The following COG2 variants were observed in gnomAD, a reference collection of about 807,000 sequenced individuals.
The protein encoded by COG2 is component of oligomeric golgi complex 2.
In COG2, 52 loss-of-function variants were observed where a neutral mutation model predicts 90.6. The ratio of observed to expected loss-of-function variants is 0.57; its 90% CI spans 0.46 to 0.72. COG2 has a LOEUF of 0.72. Ranked by LOEUF, COG2 falls within the 30% of genes least tolerant of loss-of-function variation. COG2 has a pLI of 0.00. For synonymous variants in COG2, 337 were observed against 320.4 expected, an observed-to-expected ratio of 1.05 and a Z score of -0.55; for missense variants, 829 against 891.2, an observed-to-expected ratio of 0.93 and a Z score of 0.89.
At chr1:230,666,985 T>C (rs766572278) in intron 5 of COG2, among the ~76,000 whole-genome samples, 1 of 152,208 alleles carries the variant, frequency 6.6e-6, no homozygotes, top group Non-Finnish European at 1.5e-5. Flanking sequence ...TCCATAAAGC[T>C]CAATTACAAG....
chr1:230,686,544 T>C (rs1372011388), intron 12 of COG2, among the ~76,000 whole-genome samples: 1 of 152,254 alleles, frequency 6.6e-6, no homozygotes, highest in East Asian at 1.9e-4. Flanking sequence ...GTTTGGATTT[T>C]GATATTTTAC....
At chr1:230,680,125 A>G (rs531258562) in intron 10 of COG2, 3 of 152,338 alleles carry the variant, frequency 2.0e-5, no homozygotes, top group African/African-American at 7.2e-5. Context: ...AATGGGATGC[A>G]CTGGAAATAG....
At chr1:230,673,779 A>C (rs1395538332) in intron 8 of COG2, among the ~76,000 whole-genome samples, 1 of 152,126 alleles carries the variant, frequency 6.6e-6, no homozygotes, top group Admixed American at 6.6e-5. Context: ...GTAATTTCCT[A>C]ACAATACTTA....
rs774526575 is a variant in COG2 at position 230,691,458 on chromosome 1, C to T, written c.2009C>T (p.Ala670Val). 1 of 1,614,060 alleles carries T rather than the reference C, an allele frequency of 6.2e-7. No individual in the cohort carries two copies. Among genetic ancestry groups the T allele is most frequent in the South Asian group, 1.1e-5 (1 of 91,076 alleles). The change falls in exon 17 of 18, where the codon GCC (alanine) becomes GTC (valine). Residue 670 changes from alanine to valine, a missense_variant. Coordinates refer to ENST00000366669, the MANE Select transcript of COG2 (RefSeq NM_007357.3). ...MEESLKRLKQARKTTPANPVG... is the reference protein window; with the variant it reads ...MEESLKRLKQVRKTTPANPVG... ...GAGAGCCTGAAAAGGCTGAAACAAG[C>T]CAGAAAAACCACTCCCGCCAACCCC...
At chr1:230,648,406 C>G (rs186731527) in intron 1 of COG2, among the ~76,000 whole-genome samples, 117 of 152,316 alleles carry the variant, frequency 7.7e-4, no homozygotes, top group Non-Finnish European at 1.2e-3. Flanking sequence ...CTTGAATTCT[C>G]TTTAGCTTCA....
At chr1:230,660,449 T>G (rs895522496) in intron 2 of COG2, among the ~76,000 whole-genome samples, 2 of 152,210 alleles carry the variant, frequency 1.3e-5, no homozygotes, top group African/African-American at 4.8e-5. Context: ...GCTCTTTATC[T>G]CCAGTTAAAA....
chr1:230,679,153 C>T, intron 10 of COG2, 101 bp downstream of exon 10: 2 of 1,154,336 alleles, frequency 1.7e-6, no homozygotes, highest in South Asian at 1.8e-5. Context: ...TTTCTCTGAT[C>T]ATCATAATAA....
intron 8 of COG2, among the ~76,000 whole-genome samples, chr1:230,673,952 A>G (rs970797599): frequency 6.6e-6 from 1 of 152,222 alleles, no homozygotes; most frequent in Admixed American, 6.5e-5. Flanking sequence ...CCGTTTTGAC[A>G]TGGCAACTTA....
chr1:230,655,425 G>A (rs1322052452), intron 1 of COG2, among the ~76,000 whole-genome samples: 2 of 152,214 alleles, frequency 1.3e-5, no homozygotes, highest in Admixed American at 1.3e-4. Context: ...TGTTGAACCA[G>A]CCTTGCGTTG....
intron 16 of COG2, 171 bp downstream of exon 16, chr1:230,690,324 C>T (rs1662995000): frequency 1.8e-6 from 1 of 561,504 alleles, no homozygotes; most frequent in African/African-American, 2.0e-5. Flanking sequence ...TCCCCACACC[C>T]TTGTGGACGG....
intron 1 of COG2, among the ~76,000 whole-genome samples, chr1:230,658,298 A>G (rs186348762): frequency 2.0e-4 from 31 of 152,274 alleles, no homozygotes; most frequent in Non-Finnish European, 4.1e-4. Flanking sequence ...TCTTTCTGAC[A>G]GTCAGGCCCC....
intron 10 of COG2, 170 bp downstream of exon 10, chr1:230,679,222 A>G (rs2102766236): frequency 3.4e-6 from 2 of 592,458 alleles, no homozygotes; most frequent in East Asian, 3.0e-5. Flanking sequence ...ATGGTTGCCA[A>G]AGTCTGGCTT....
chr1:230,659,368 CG>C, intron 1 of COG2, 95 bp from the exon 2 acceptor site: 4 of 988,298 alleles, frequency 4.0e-6, no homozygotes, highest in Non-Finnish European at 3.2e-6. Flanking sequence ...TTGTAAATGA[CG>C]GGAATGGGCT....
chr1:230,691,619 C>T (rs543455106), intron 17 of COG2, 55 bp downstream of exon 17: 7 of 1,527,282 alleles, frequency 4.6e-6, no homozygotes, highest in African/African-American at 2.8e-5. Flanking sequence ...TTCTGAGAGC[C>T]GGGCAGTTAC....
chr1:230,642,797 G>T, intron 1 of COG2, 119 bp downstream of exon 1: 1 of 928,558 alleles, frequency 1.1e-6, no homozygotes, highest in Non-Finnish European at 1.6e-6. Context: ...CAGGTCCTCC[G>T]CCGAGACCTC....
chr1:230,670,538 T>C (rs893932925), intron 7 of COG2: 11 of 152,232 alleles, frequency 7.2e-5, no homozygotes, highest in Admixed American at 5.9e-4. Flanking sequence ...TCTCTCTGTT[T>C]ATATCATGTT....
rs145505683 is a variant in COG2 at position 230,691,160 on chromosome 1, CAT to C, written c.1935-221_1935-220del. On this transcript the variant is annotated intron_variant, in intron 16 of 17. Coordinates refer to ENST00000366669, the MANE Select transcript of COG2 (RefSeq NM_007357.3). ...GAATGCTATGTTAGACACTTAAGAC[CAT>C]ATGTGTGTGTGTGTATATATATATA... Among the ~76,000 whole-genome samples the C allele has an allele frequency of 7.9e-3, 1,171 of 148,542 alleles. 46 individuals carry two copies. The East Asian group carries it at 0.11, about 14-fold the overall frequency.
chr1:230,692,544 A>G (rs571024129), intron 17 of COG2, among the ~76,000 whole-genome samples: 10 of 152,294 alleles, frequency 6.6e-5, no homozygotes, highest in African/African-American at 1.9e-4. Flanking sequence ...TTTACAAGCA[A>G]GAAAGTATGT....
chr1:230,651,496 C>T (rs1417320795), intron 1 of COG2, among the ~76,000 whole-genome samples: 1 of 152,172 alleles, frequency 6.6e-6, no homozygotes, highest in Admixed American at 6.5e-5. Context: ...AATTGATTGT[C>T]ACTGCTATTC....
Sources: allele counts gnomAD v4.1 joint callset (sites outside exome capture counted in the v4.1 genomes callset), GRCh38; gene constraint gnomAD v4.1.1; transcripts MANE v1.5; gene names NCBI Gene and HGNC (gene_info 2026-07-23, HGNC 2026-07-21).